Variants in CSMD3 observed in about 807,000 individuals in gnomAD.
CSMD3 encodes the protein CUB and Sushi multiple domains 3, also known as CUB and sushi domain-containing protein 3.
A neutral mutation model predicts 435.2 loss-of-function variants in CSMD3; 177 were observed. The observed-to-expected ratio is 0.41, with a 90% confidence interval of 0.36 to 0.46. The LOEUF (loss-of-function observed/expected upper bound fraction) is 0.46, where lower values mean the gene tolerates loss of function less well. Ranked by LOEUF, CSMD3 falls within the 20% of genes least tolerant of loss-of-function variation. The pLI is 0.34. For synonymous variants in CSMD3, 1,656 were observed against 1,520.5 expected (o/e 1.09, Z -2.07); for missense variants, 4,265 against 4,504.6 (o/e 0.95, Z 1.52).
At chr8:112,609,760 G>A (rs935200888) in intron 22 of CSMD3, among the ~76,000 whole-genome samples, 26 of 152,082 alleles carry the variant, frequency 1.7e-4, no homozygotes, top group African/African-American at 6.0e-4. Context: ...ACCAACCTAA[G>A]TGTCTATTGA....
intron 59 of CSMD3, among the ~76,000 whole-genome samples, chr8:112,277,873 G>A (rs1312678339): frequency 6.6e-6 from 1 of 152,024 alleles, no homozygotes; most frequent in Non-Finnish European, 1.5e-5. Flanking sequence ...AACAGTATGG[G>A]GGAAACTGCC....
intron 63 of CSMD3, among the ~76,000 whole-genome samples, chr8:112,250,824 C>A (rs1815192680): frequency 6.6e-6 from 1 of 151,622 alleles, no homozygotes; most frequent in Non-Finnish European, 1.5e-5. Flanking sequence ...AAATAAAAAT[C>A]ACTTTAAATT....
intron 5 of CSMD3, among the ~76,000 whole-genome samples, chr8:113,050,743 G>A (rs1184481541): frequency 6.6e-6 from 1 of 151,952 alleles, no homozygotes; most frequent in African/African-American, 2.4e-5. Flanking sequence ...GATTGTTGTT[G>A]TCTAACTGGC....
intron 13 of CSMD3, among the ~76,000 whole-genome samples, chr8:112,737,086 A>T (rs1014627356): frequency 5.3e-5 from 8 of 152,016 alleles, no homozygotes; most frequent in African/African-American, 1.9e-4. Flanking sequence ...AGAGAGACAT[A>T]AAATTTGAGA....
At chr8:113,322,512 C>T (rs1241401371) in intron 1 of CSMD3, among the ~76,000 whole-genome samples, 1 of 152,046 alleles carries the variant, frequency 6.6e-6, no homozygotes, top group East Asian at 1.9e-4. Flanking sequence ...TTAGTTTATA[C>T]CACACTATCT....
chr8:112,547,746 T>C (rs932311611), intron 27 of CSMD3, among the ~76,000 whole-genome samples: 1 of 151,998 alleles, frequency 6.6e-6, no homozygotes, highest in Admixed American at 6.6e-5. Context: ...GGAGCAGAAC[T>C]AACACTAAAG....
chr8:112,587,714 A>T (rs1830849971), intron 22 of CSMD3, among the ~76,000 whole-genome samples: 1 of 151,846 alleles, frequency 6.6e-6, no homozygotes, highest in African/African-American at 2.4e-5. Context: ...AAGAATTTCA[A>T]TAATAAAAAG....
chr8:112,701,168 C>G (rs2076381364), intron 13 of CSMD3, among the ~76,000 whole-genome samples: 1 of 152,070 alleles, frequency 6.6e-6, no homozygotes, highest in Non-Finnish European at 1.5e-5. Context: ...AAAGCTAATA[C>G]AAGTGAGTGA....
chr8:112,783,420 G>GGAA, intron 13 of CSMD3, among the ~76,000 whole-genome samples: 1 of 64,474 alleles, frequency 1.6e-5, no homozygotes, highest in Admixed American at 1.8e-4. Flanking sequence ...GAAGGAGGGA[G>GGAA]GGAGGGAAGG....
intron 22 of CSMD3, among the ~76,000 whole-genome samples, chr8:112,621,007 TG>T (rs1276048373): frequency 4.6e-5 from 7 of 151,974 alleles, no homozygotes; most frequent in South Asian, 4.1e-4. Context: ...TAGGCCGAGG[TG>T]GGCGGATCAC....
At chr8:112,419,640 C>T (rs1388873790) in intron 32 of CSMD3, among the ~76,000 whole-genome samples, 2 of 152,156 alleles carry the variant, frequency 1.3e-5, no homozygotes, top group Non-Finnish European at 2.9e-5. Context: ...TTCTCTAAAG[C>T]TAGATTTCTG....
intron 13 of CSMD3, among the ~76,000 whole-genome samples, chr8:112,718,725 A>T (rs1299484376): frequency 3.9e-5 from 6 of 151,928 alleles, no homozygotes; most frequent in Non-Finnish European, 8.8e-5. Flanking sequence ...ATTTTTAGAA[A>T]ATCATTTCTG....
chr8:113,226,869 GA>G (rs1279311441), intron 3 of CSMD3, among the ~76,000 whole-genome samples: 1 of 151,412 alleles, frequency 6.6e-6, no homozygotes, highest in Non-Finnish European at 1.5e-5. Flanking sequence ...ATATAATAAA[GA>G]TAAAATTTGA....
intron 17 of CSMD3, among the ~76,000 whole-genome samples, chr8:112,657,518 T>C (rs1489521736): frequency 1.3e-5 from 2 of 152,198 alleles, no homozygotes; most frequent in Admixed American, 1.3e-4. Flanking sequence ...TATTAATTTA[T>C]TTTATAAACG....
At chr8:113,202,714 A>C (rs1479243875) in intron 3 of CSMD3, among the ~76,000 whole-genome samples, 2 of 152,110 alleles carry the variant, frequency 1.3e-5, no homozygotes, top group African/African-American at 4.8e-5. Flanking sequence ...AAATAGATGA[A>C]TTATCTTTGG....
At chr8:112,892,600 C>G (rs1034668986) in intron 10 of CSMD3, among the ~76,000 whole-genome samples, 4 of 151,468 alleles carry the variant, frequency 2.6e-5, no homozygotes, top group Non-Finnish European at 4.4e-5. Context: ...ATGGAAACAT[C>G]AACACCTACT....
chr8:113,431,236 A>C (rs2094670936), intron 1 of CSMD3, among the ~76,000 whole-genome samples: 1 of 152,188 alleles, frequency 6.6e-6, no homozygotes, highest in Non-Finnish European at 1.5e-5. Context: ...CAAAGTCCAA[A>C]TCAATATTTC....
At chr8:113,306,094 T>C (rs758429243) in intron 2 of CSMD3, among the ~76,000 whole-genome samples, 4 of 152,178 alleles carry the variant, frequency 2.6e-5, no homozygotes, top group East Asian at 1.9e-4. Flanking sequence ...ATTAATATTA[T>C]AGATAAATAA....
intron 1 of CSMD3, among the ~76,000 whole-genome samples, chr8:113,358,226 C>A (rs1184238230): frequency 3.3e-5 from 5 of 152,142 alleles, no homozygotes; most frequent in Admixed American, 2.0e-4. Flanking sequence ...TGTAATACAA[C>A]TAAATTATTT....
Sources: gnomAD v4.1 joint callset for allele counts (sites outside exome capture counted in the v4.1 genomes callset) on GRCh38, gnomAD v4.1.1 for gene constraint, MANE v1.5 for transcripts, NCBI Gene and HGNC (gene_info 2026-07-23, HGNC 2026-07-21) for gene names.